KALRN: variants seen among roughly 807,000 people sequenced by gnomAD.
KALRN encodes kalirin.
KALRN carries 70 observed loss-of-function variants against 353.7 expected under a neutral mutation model. That is an observed-to-expected ratio of 0.20 (90% CI 0.16 to 0.24). KALRN has a LOEUF of 0.24. Ranked by LOEUF, KALRN falls within the 10% of genes least tolerant of loss-of-function variation. The pLI, the probability that KALRN is intolerant of heterozygous loss-of-function variation, is 1.00. For missense variants in KALRN, 2,791 were observed against 3,756.7 expected, an observed-to-expected ratio of 0.74 and a Z score of 6.72; for synonymous variants, 1,391 against 1,434.8, an observed-to-expected ratio of 0.97 and a Z score of 0.69.
chr3:124,259,989 G>C (rs750122810), intron 3 of KALRN, among the ~76,000 whole-genome samples: 18 of 152,086 alleles, frequency 1.2e-4, no homozygotes, highest in Non-Finnish European at 2.5e-4. Flanking sequence ...TGAATCACCT[G>C]ATCATGTTCC....
chr3:124,646,781 G>A (rs1578629051), intron 37 of KALRN, among the ~76,000 whole-genome samples: 2 of 151,304 alleles, frequency 1.3e-5, no homozygotes, highest in South Asian at 4.2e-4. Context: ...GAAAAATGAC[G>A]AGTATAAACA....
At chr3:124,528,233 G>T (rs867328077) in intron 33 of KALRN, among the ~76,000 whole-genome samples, 6 of 152,138 alleles carry the variant, frequency 3.9e-5, no homozygotes, top group African/African-American at 1.4e-4. Context: ...AGAAAGTCCC[G>T]GTTTGCTTTA....
chr3:124,695,070 G>T (rs2061989259), intron 53 of KALRN, among the ~76,000 whole-genome samples: 1 of 152,262 alleles, frequency 6.6e-6, no homozygotes, highest in African/African-American at 2.4e-5. Context: ...TGCCTTTCAG[G>T]TTGCTGTGAA....
At chr3:124,355,935 G>A (rs1441763960) in intron 10 of KALRN, among the ~76,000 whole-genome samples, 11 of 151,714 alleles carry the variant, frequency 7.3e-5, no homozygotes, top group African/African-American at 2.2e-4. Flanking sequence ...GGCTGGTCTC[G>A]AACTCCTGAC....
At chr3:124,045,354 T>C (rs1463601272) in intron 1 of KALRN, among the ~76,000 whole-genome samples, 1 of 152,180 alleles carries the variant, frequency 6.6e-6, no homozygotes, top group African/African-American at 2.4e-5. Flanking sequence ...GGGAGTAATG[T>C]CACAGCTTTA....
rs547598757 is a variant in KALRN, at chr3:124,385,890, T to A, written c.1962+854T>A. Among the ~76,000 whole-genome samples the A allele has an allele frequency of 7.8e-4, 119 of 152,262 alleles. 1 individual carries two copies. Among genetic ancestry groups the A allele is most frequent in the African/African-American group, 2.8e-3 (115 of 41,554 alleles). On this transcript the variant is annotated intron_variant, in intron 11 of 59. Transcript: ENST00000682506. The stretch of plus-strand genomic sequence containing the variant: ...CAGATGAACTCATTAGGTGTATGCA[T>A]GCTTGTGTCCCCCCCCAGGAATTCC...
intron 10 of KALRN, among the ~76,000 whole-genome samples, chr3:124,356,617 C>T (rs375205155): frequency 1.3e-5 from 2 of 151,962 alleles, no homozygotes; most frequent in African/African-American, 2.4e-5. Context: ...TACAGGTGTG[C>T]GCCACCGCAC....
chr3:124,099,147 T>G (rs1435423304), intron 1 of KALRN, among the ~76,000 whole-genome samples: 1 of 152,244 alleles, frequency 6.6e-6, no homozygotes, highest in African/African-American at 2.4e-5. Context: ...TATTATGAAC[T>G]ATACAATATA....
chr3:124,672,043 G>A (rs1559821397), intron 48 of KALRN, 145 bp downstream of exon 48: 1 of 694,946 alleles, frequency 1.4e-6, no homozygotes, highest in Admixed American at 2.4e-5. Context: ...CCGCCTCCCA[G>A]GTTCAAGCGA....
At chr3:124,446,090 G>T in intron 19 of KALRN, 71 bp from the exon 20 acceptor site, 1 of 929,372 alleles carries the variant, frequency 1.1e-6, no homozygotes. Context: ...CACCTGGGCC[G>T]TGGGGCTGAA....
At chr3:124,260,640 A>G (rs142442344) in intron 3 of KALRN, among the ~76,000 whole-genome samples, 2 of 152,094 alleles carry the variant, frequency 1.3e-5, no homozygotes, top group African/African-American at 4.8e-5. Flanking sequence ...CTTGGCCTAG[A>G]AGGGGAAGAG....
At chr3:124,625,617 T>G (rs2079860461) in intron 34 of KALRN, among the ~76,000 whole-genome samples, 1 of 152,092 alleles carries the variant, frequency 6.6e-6, no homozygotes, top group African/African-American at 2.4e-5. Context: ...TAAAACTGAT[T>G]CTTTACCACA....
chr3:124,055,926 C>A (rs1482824122), intron 1 of KALRN, among the ~76,000 whole-genome samples: 1 of 152,228 alleles, frequency 6.6e-6, no homozygotes, highest in Admixed American at 6.5e-5. Flanking sequence ...CTTATTCATT[C>A]CTTCCAGGAC....
chr3:124,629,449 T>C (rs2080492713), intron 34 of KALRN, among the ~76,000 whole-genome samples: 1 of 152,244 alleles, frequency 6.6e-6, no homozygotes, highest in African/African-American at 2.4e-5. Flanking sequence ...TATACTCCTC[T>C]GGTTTATTAT....
At chr3:124,260,131 T>G (rs1428987497) in intron 3 of KALRN, among the ~76,000 whole-genome samples, 1 of 152,222 alleles carries the variant, frequency 6.6e-6, no homozygotes, top group African/African-American at 2.4e-5. Flanking sequence ...TCTAACATTG[T>G]GGTGCCTAGG....
intron 10 of KALRN, among the ~76,000 whole-genome samples, chr3:124,359,307 G>A (rs541828342): frequency 2.6e-5 from 4 of 152,356 alleles, no homozygotes; most frequent in East Asian, 3.9e-4. Context: ...GATTTGGCCG[G>A]TATCTGGCCT....
At position 124,367,545 on chromosome 3, in the gene KALRN, C is replaced by T. The variant is rs1336441016; in HGVS notation, c.1771-17300C>T. Reference sequence around the variant, plus strand: ...CCCACCTCCCTCCCGGACGGGGCGGCTGGCCGGGCAGAGGGGCTCCTCACT... The same window carrying T: ...CCCACCTCCCTCCCGGACGGGGCGGTTGGCCGGGCAGAGGGGCTCCTCACT... On this transcript the variant is annotated intron_variant, in intron 10 of 59. Coordinates refer to ENST00000682506, the MANE Select transcript of KALRN (RefSeq NM_001388419.1). Among the ~76,000 whole-genome samples the T allele has an allele frequency of 4.6e-5, 4 of 86,074 alleles. No homozygotes were observed. In the East Asian group the frequency reaches 2.3e-3, roughly 51 times the overall value. The allele number at this position is 86,074 out of a possible 152,430, so 56.5% of individuals were successfully genotyped here. A position where few individuals can be genotyped will look rare whatever the true frequency, so the allele number is the denominator to read the frequency against.
chr3:124,633,083 T>C (rs1302154863), intron 35 of KALRN, among the ~76,000 whole-genome samples: 5 of 152,212 alleles, frequency 3.3e-5, no homozygotes, highest in Admixed American at 1.3e-4. Flanking sequence ...TGGGAGATTG[T>C]AGCTGTTTTC....
intron 33 of KALRN, among the ~76,000 whole-genome samples, chr3:124,535,878 T>C (rs1439418965): frequency 6.6e-6 from 1 of 152,128 alleles, no homozygotes; most frequent in Non-Finnish European, 1.5e-5. Flanking sequence ...TCCTTCTAAC[T>C]GATTCCTTCA....
Sources: allele counts gnomAD v4.1 joint callset (sites outside exome capture counted in the v4.1 genomes callset), GRCh38; gene constraint gnomAD v4.1.1; transcripts MANE v1.5; gene names NCBI Gene and HGNC (gene_info 2026-07-23, HGNC 2026-07-21).